The following SLC25A21 variants were observed in gnomAD, a reference collection of about 807,000 sequenced individuals.
The protein encoded by SLC25A21 is mitochondrial 2-oxodicarboxylate carrier.
Under a neutral mutation model 43.8 loss-of-function variants are expected in SLC25A21, and 47 were observed. That is an observed-to-expected ratio of 1.07 (90% CI 0.85 to 1.37). The LOEUF (loss-of-function observed/expected upper bound fraction) is 1.37. Among genes scored for constraint, SLC25A21 ranks in the 40% most tolerant of loss-of-function variants. SLC25A21 has a pLI of 0.00. For missense variants in SLC25A21, 352 were observed against 350.2 expected, an observed-to-expected ratio of 1.00 and a Z score of -0.04; for synonymous variants, 131 against 121.3, an observed-to-expected ratio of 1.08 and a Z score of -0.52.
At chr14:37,050,575 T>C (rs897194244) in intron 1 of SLC25A21, among the ~76,000 whole-genome samples, 2 of 152,208 alleles carry the variant, frequency 1.3e-5, no homozygotes, top group Non-Finnish European at 2.9e-5. Context: ...AGCAAAACAG[T>C]ACCACGTATT....
chr14:36,699,450 C>T (rs1041318733), intron 7 of SLC25A21, among the ~76,000 whole-genome samples: 7 of 152,140 alleles, frequency 4.6e-5, no homozygotes, highest in Admixed American at 2.6e-4. Flanking sequence ...AGAGCTCAAA[C>T]GCCATGCTGG....
chr14:36,936,915 C>A (rs1892438826), intron 1 of SLC25A21, among the ~76,000 whole-genome samples: 1 of 152,050 alleles, frequency 6.6e-6, no homozygotes, highest in Admixed American at 6.6e-5. Flanking sequence ...GCGTGTATTC[C>A]TGCTGCTGGA....
In SLC25A21 at chr14:37,167,198, T is replaced by C. The variant is rs796687509; in HGVS notation, c.70+5083A>G. ...GGAGTATGAAATTCATTCTTCTGTC[T>C]GGTCAGCAGTGAAAACCAAGAAAGA... On this transcript the variant is annotated intron_variant, in intron 1 of 9. Coordinates refer to ENST00000331299, the MANE Select transcript of SLC25A21 (RefSeq NM_030631.4). 2.9e-4 allele frequency among the ~76,000 whole-genome samples: 44 copies of C among 152,326 alleles called. 1 individual carries two copies. Among genetic ancestry groups the C allele is most frequent in the African/African-American group, 1.1e-3 (44 of 41,568 alleles).
At chr14:36,728,017 C>T (rs550115015) in intron 5 of SLC25A21, among the ~76,000 whole-genome samples, 2 of 152,270 alleles carry the variant, frequency 1.3e-5, no homozygotes, top group East Asian at 3.9e-4. Flanking sequence ...CATTTGCTGT[C>T]AGAACTAGTG....
At chr14:36,735,682 A>G (rs1885000952) in intron 3 of SLC25A21, among the ~76,000 whole-genome samples, 1 of 152,122 alleles carries the variant, frequency 6.6e-6, no homozygotes, top group African/African-American at 2.4e-5. Context: ...TGGCTTACAC[A>G]GTACCTTTTG....
intron 1 of SLC25A21, among the ~76,000 whole-genome samples, chr14:37,004,593 G>T (rs941932339): frequency 1.3e-5 from 2 of 152,164 alleles, no homozygotes; most frequent in African/African-American, 4.8e-5. Flanking sequence ...AAACACCTCT[G>T]AGCAAAACAA....
At chr14:36,706,564 T>C (rs1883578675) in intron 7 of SLC25A21, among the ~76,000 whole-genome samples, 1 of 151,920 alleles carries the variant, frequency 6.6e-6, no homozygotes, top group Non-Finnish European at 1.5e-5. Context: ...AGACTCAGAG[T>C]TTCCAGGCAG....
intron 2 of SLC25A21, among the ~76,000 whole-genome samples, chr14:36,868,018 T>G (rs1890261845): frequency 6.6e-6 from 1 of 151,542 alleles, no homozygotes; most frequent in South Asian, 2.1e-4. Flanking sequence ...CCATGCAAAC[T>G]TGAAGCTGCC....
chr14:37,018,604 A>C (rs1960914688), intron 1 of SLC25A21, among the ~76,000 whole-genome samples: 1 of 151,970 alleles, frequency 6.6e-6, no homozygotes, highest in Non-Finnish European at 1.5e-5. Flanking sequence ...CATTGTCATT[A>C]CCCTTGTCTA....
At chr14:36,919,622 C>CCTGTCTATCTAT (rs766908771) in intron 1 of SLC25A21, among the ~76,000 whole-genome samples, 3 of 61,452 alleles carry the variant, frequency 4.9e-5, no homozygotes, top group African/African-American at 1.8e-4. Context: ...TATCTATCTA[C>CCTGTCTATCTAT]CTATCTATCT....
chr14:36,776,230 C>CTTTTTTTT (rs1328087696), intron 3 of SLC25A21, among the ~76,000 whole-genome samples: 1,006 of 70,490 alleles, frequency 0.014, 186 homozygotes, highest in East Asian at 0.03. Context: ...CTTTTTCTTT[C>CTTTTTTTT]TTTCTTTCTT....
intron 3 of SLC25A21, among the ~76,000 whole-genome samples, chr14:36,790,523 T>C (rs1333983689): frequency 1.3e-5 from 2 of 152,172 alleles, no homozygotes; most frequent in Non-Finnish European, 2.9e-5. Context: ...AAAATTATTT[T>C]GCACATGAAC....
chr14:36,791,602 G>A (rs913861086), intron 3 of SLC25A21, among the ~76,000 whole-genome samples: 36 of 152,108 alleles, frequency 2.4e-4, no homozygotes, highest in Admixed American at 9.2e-4. Flanking sequence ...CTGTTTCACA[G>A]ACATAAAAGT....
In SLC25A21 at chr14:37,121,581, A is replaced by G. The variant is rs577585332; in HGVS notation, c.70+50700T>C. Among the ~76,000 whole-genome samples, 8 of 152,254 alleles carry G rather than the reference A, an allele frequency of 5.3e-5. 1 individual carries two copies. The South Asian group carries it at 1.7e-3, about 32-fold the overall frequency. On this transcript the variant is annotated intron_variant, in intron 1 of 9. Coordinates refer to ENST00000331299, the MANE Select transcript of SLC25A21 (RefSeq NM_030631.4). ...GGTGGGCAGATCACTTGAGGCCAAG[A>G]GTTTGAAACCAGCCTGGCCAACACG...
At chr14:36,832,979 A>G (rs997942143) in intron 2 of SLC25A21, among the ~76,000 whole-genome samples, 2 of 152,014 alleles carry the variant, frequency 1.3e-5, no homozygotes, top group African/African-American at 2.4e-5. Context: ...TTAAAATTGG[A>G]AAAAAAACCT....
At position 37,047,191 on chromosome 14, in the gene SLC25A21, C is replaced by G. The variant is rs544471427; in HGVS notation, c.70+125090G>C. The stretch of plus-strand genomic sequence containing the variant: ...ACACATTGGTGGGGTTGTATTGATT[C>G]AAAACCAATCTGGACAGCAATTCAC... On this transcript the variant is annotated intron_variant, in intron 1 of 9. Transcript: ENST00000331299. Among the ~76,000 whole-genome samples the G allele has an allele frequency of 1.6e-4, 24 of 152,224 alleles. No homozygotes were observed. The South Asian group carries it at 5.0e-3, about 32-fold the overall frequency.
At chr14:37,031,800 A>G (rs1961216800) in intron 1 of SLC25A21, among the ~76,000 whole-genome samples, 1 of 152,232 alleles carries the variant, frequency 6.6e-6, no homozygotes, top group African/African-American at 2.4e-5. Flanking sequence ...GAAGCCTTCA[A>G]AGATGAAAGG....
intron 6 of SLC25A21, among the ~76,000 whole-genome samples, chr14:36,719,435 G>A (rs1884287005): frequency 6.6e-6 from 1 of 152,158 alleles, no homozygotes; most frequent in East Asian, 1.9e-4. Context: ...AGGATGGGGG[G>A]AAATTTGGGT....
At chr14:36,924,572 T>C (rs1203059201) in intron 1 of SLC25A21, among the ~76,000 whole-genome samples, 1 of 151,958 alleles carries the variant, frequency 6.6e-6, no homozygotes, top group Non-Finnish European at 1.5e-5. Context: ...ATATACCTAA[T>C]GGAAATGATG....
Sources: allele counts gnomAD v4.1 joint callset (sites outside exome capture counted in the v4.1 genomes callset), GRCh38; gene constraint gnomAD v4.1.1; transcripts MANE v1.5; gene names NCBI Gene and HGNC (gene_info 2026-07-23, HGNC 2026-07-21).